The following TCAIM variants were observed in gnomAD, a reference collection of about 807,000 sequenced individuals.
TCAIM encodes the protein T-cell activation inhibitor, mitochondrial.
TCAIM carries 36 observed loss-of-function variants against 58.6 expected under a neutral mutation model. That is an observed-to-expected ratio of 0.61 (90% CI 0.47 to 0.81). The LOEUF (loss-of-function observed/expected upper bound fraction) is 0.81. Among genes scored for constraint, TCAIM ranks in the 30% least tolerant of loss-of-function variants. The pLI, the probability that TCAIM is intolerant of heterozygous loss-of-function variation, is 0.00. For synonymous variants in TCAIM, 172 were observed against 193.6 expected (o/e 0.89, Z 0.93); for missense variants, 466 against 579.6 (o/e 0.80, Z 2.01).
At chr3:44,362,214 T>A (rs1034196988) in intron 4 of TCAIM, among the ~76,000 whole-genome samples, 9 of 151,760 alleles carry the variant, frequency 5.9e-5, no homozygotes, top group African/African-American at 2.2e-4. Context: ...TACACTGTAA[T>A]TTTTTTTTGA....
intron 3 of TCAIM, chr3:44,358,285 C>T: frequency 9.6e-7 from 1 of 1,038,028 alleles, no homozygotes; most frequent in South Asian, 1.3e-5. Flanking sequence ...TGGACCACTC[C>T]CCTACAACAT....
At position 44,396,748 on chromosome 3, in the gene TCAIM, A is replaced by T. The variant is rs1251388855; in HGVS notation, c.799A>T (p.Thr267Ser). ...GTTTTGTGTTTTGTCATCAGGGTGT[A>T]CAATCATATTTACAGACCGTTCTGG... ...LETLKKAKGC[T>S]IIFTDRSGMS... Residue 267 changes from threonine to serine, a missense_variant, in exon 8 of 11, where the codon ACA becomes TCA. Coordinates refer to ENST00000342649, the MANE Select transcript of TCAIM (RefSeq NM_173826.4). The T allele has an allele frequency of 6.2e-7, 1 of 1,613,898 alleles. No individual in the cohort carries two copies.
chr3:44,390,847 G>A (rs2125650728), intron 5 of TCAIM, among the ~76,000 whole-genome samples: 1 of 152,238 alleles, frequency 6.6e-6, no homozygotes, highest in South Asian at 2.1e-4. Flanking sequence ...TGGTTTTCCT[G>A]GAGTTTTCTC....
intron 5 of TCAIM, among the ~76,000 whole-genome samples, chr3:44,388,936 A>G (rs570213753): frequency 2.5e-4 from 38 of 152,338 alleles, no homozygotes; most frequent in Admixed American, 1.7e-3. Flanking sequence ...TCAGTGCTAC[A>G]TGCGCTCAGT....
intron 1 of TCAIM, among the ~76,000 whole-genome samples, chr3:44,341,797 G>T (rs906636194): frequency 2.0e-5 from 3 of 152,100 alleles, no homozygotes; most frequent in African/African-American, 7.2e-5. Context: ...CTTCACAAAA[G>T]TTCTATGAAA....
At chr3:44,355,666 T>C (rs1701177049) in intron 2 of TCAIM, among the ~76,000 whole-genome samples, 1 of 152,192 alleles carries the variant, frequency 6.6e-6, no homozygotes. Flanking sequence ...TACTAACTGA[T>C]AGTGAATGGG....
At chr3:44,353,312 T>C (rs2125630067) in intron 1 of TCAIM, among the ~76,000 whole-genome samples, 1 of 152,354 alleles carries the variant, frequency 6.6e-6, no homozygotes, top group East Asian at 1.9e-4. Flanking sequence ...TACCACAGTT[T>C]ATCCATTTAC....
chr3:44,372,645 G>A (rs1701497444), intron 5 of TCAIM, among the ~76,000 whole-genome samples: 3 of 151,022 alleles, frequency 2.0e-5, no homozygotes, highest in Admixed American at 2.0e-4. Context: ...CCAGGCTGGA[G>A]TGCAGTGGTG....
chr3:44,400,958 C>T (rs1702013008), intron 9 of TCAIM: 3 of 519,832 alleles, frequency 5.8e-6, no homozygotes, highest in Non-Finnish European at 1.0e-5. Context: ...CACAACCTCA[C>T]TGTGCAGCAG....
chr3:44,350,064 C>G (rs1701055886), intron 1 of TCAIM, among the ~76,000 whole-genome samples: 1 of 152,136 alleles, frequency 6.6e-6, no homozygotes, highest in African/African-American at 2.4e-5. Flanking sequence ...ACCAAACAGG[C>G]TTTGTGTGGG....
chr3:44,381,297 G>T (rs1452061256), intron 5 of TCAIM, among the ~76,000 whole-genome samples: 1 of 151,964 alleles, frequency 6.6e-6, no homozygotes, highest in Admixed American at 6.6e-5. Flanking sequence ...AGAGTACAAG[G>T]ATGGTTCCAC....
chr3:44,365,660 G>A (rs543093391), intron 4 of TCAIM, among the ~76,000 whole-genome samples: 26 of 152,196 alleles, frequency 1.7e-4, no homozygotes, highest in Middle Eastern at 3.4e-3. Flanking sequence ...GCACATAGAC[G>A]GAAAAGGTCA....
rs1244724206 is a variant in TCAIM, at chr3:44,407,869, C to T, written c.*187C>T. Reference sequence around the variant, plus strand: ...AGGTTTTATATGCCAGGCGTGGTGGCTCATGCCTGCGGTCCCAGCTACTTA... The same window carrying T: ...AGGTTTTATATGCCAGGCGTGGTGGTTCATGCCTGCGGTCCCAGCTACTTA... On this transcript the variant is annotated 3_prime_UTR_variant, in exon 11 of 11. Coordinates refer to ENST00000342649, the MANE Select transcript of TCAIM (RefSeq NM_173826.4). 2 of 575,794 alleles carry T rather than the reference C, an allele frequency of 3.5e-6. No individual in the cohort carries two copies. The highest frequency in any genetic ancestry group is 1.9e-5 in the African/African-American group (1 of 51,700). 35.7% of individuals were successfully genotyped at this position (575,794 alleles called of 1,614,324 possible).
intron 4 of TCAIM, among the ~76,000 whole-genome samples, chr3:44,361,766 T>C (rs1358068454): frequency 2.0e-5 from 3 of 152,234 alleles, no homozygotes; most frequent in Non-Finnish European, 4.4e-5. Flanking sequence ...ACCAGTTCAG[T>C]GTTATTTTAA....
intron 5 of TCAIM, among the ~76,000 whole-genome samples, chr3:44,389,050 G>A (rs1452843314): frequency 6.6e-6 from 1 of 152,206 alleles, no homozygotes; most frequent in Admixed American, 6.5e-5. Context: ...CCGGCACTTT[G>A]GGAGGCCGAG....
At chr3:44,386,222 A>C (rs1387054921) in intron 5 of TCAIM, among the ~76,000 whole-genome samples, 5 of 151,772 alleles carry the variant, frequency 3.3e-5, no homozygotes, top group Non-Finnish European at 7.4e-5. Flanking sequence ...AAAAAAAAAA[A>C]AAAAAAAAAA....
At chr3:44,356,420 G>A (rs1307766230) in intron 2 of TCAIM, among the ~76,000 whole-genome samples, 1 of 152,070 alleles carries the variant, frequency 6.6e-6, no homozygotes, top group East Asian at 1.9e-4. Context: ...CCAGCTACTT[G>A]CAAGGCTGAG....
intron 1 of TCAIM, among the ~76,000 whole-genome samples, chr3:44,349,204 C>T (rs1701034349): frequency 6.6e-6 from 1 of 152,074 alleles, no homozygotes; most frequent in East Asian, 1.9e-4. Context: ...TGGGATGAGT[C>T]ACATTGGAAG....
chr3:44,358,282 C>T, intron 3 of TCAIM: 2 of 1,079,832 alleles, frequency 1.9e-6, no homozygotes, highest in Non-Finnish European at 2.8e-6. Context: ...TGCTGGACCA[C>T]TCCCCTACAA....
Sources: allele counts gnomAD v4.1 joint callset (sites outside exome capture counted in the v4.1 genomes callset), GRCh38; gene constraint gnomAD v4.1.1; transcripts MANE v1.5; gene names NCBI Gene and HGNC (gene_info 2026-07-23, HGNC 2026-07-21).